Variants in EFHC2 observed in about 807,000 individuals in gnomAD.
The protein encoded by EFHC2 is EF-hand domain containing 2, also known as EF-hand domain-containing family member C2.
Under a neutral mutation model 52.7 loss-of-function variants are expected in EFHC2, and 18 were observed. The observed-to-expected ratio is 0.34, with a 90% CI of 0.24 to 0.51. The LOEUF is 0.51. EFHC2 is among the 20% of genes least tolerant of loss of function. The pLI, the probability that EFHC2 is intolerant of heterozygous loss-of-function variation, is 0.97. For missense variants in EFHC2, 513 were observed against 562.5 expected (o/e 0.91, Z 0.89); for synonymous variants, 203 against 204.1 (o/e 0.99, Z 0.04).
intron 13 of EFHC2, among the ~76,000 whole-genome samples, chrX:44,165,966 C>T (rs959572422): frequency 5.4e-5 from 6 of 111,410 alleles, no homozygotes; most frequent in African/African-American, 2.0e-4. Flanking sequence ...GGAAGTGGGC[C>T]CTCAGCAGAC....
intron 11 of EFHC2, among the ~76,000 whole-genome samples, chrX:44,191,467 C>T (rs1464733538): frequency 9.0e-6 from 1 of 111,647 alleles, no homozygotes; most frequent in Non-Finnish European, 1.9e-5. Flanking sequence ...GAACTCCTGA[C>T]CTTAGGTGAT....
chrX:44,255,374 G>C (rs1248265031), intron 4 of EFHC2, among the ~76,000 whole-genome samples: 1 of 111,278 alleles, frequency 9.0e-6, no homozygotes, highest in Admixed American at 9.5e-5. Context: ...GTATTCAGGA[G>C]ACCCATCTCA....
rs184376721 is a variant in EFHC2, at chrX:44,228,977, C to T, written c.1751+672G>A. ...TTTGTTTTCAGCCTAAGAAGTCTCA[C>T]GATTGTACTAGACCCTGAATTTGAA... is the stretch of plus-strand genomic sequence containing the variant. On this transcript the variant is annotated intron_variant, in intron 11 of 14. Transcript: ENST00000420999. Among the ~76,000 whole-genome samples, 245 of 112,121 alleles carry T rather than the reference C, an allele frequency of 2.2e-3. 2 individuals are homozygous for T. The highest frequency in any genetic ancestry group is 7.4e-3 in the African/African-American group (230 of 30,877).
At chrX:44,256,501 T>C (rs1159655955) in intron 4 of EFHC2, among the ~76,000 whole-genome samples, 2 of 111,761 alleles carry the variant, frequency 1.8e-5, no homozygotes, top group African/African-American at 6.5e-5. Flanking sequence ...CATCAGAGAA[T>C]ATTATAAACA....
chrX:44,317,881 T>C (rs1439040644), intron 1 of EFHC2, among the ~76,000 whole-genome samples: 1 of 112,657 alleles, frequency 8.9e-6, no homozygotes, highest in Non-Finnish European at 1.9e-5. Flanking sequence ...AAATAAATGT[T>C]GGTGAGGATG....
At chrX:44,206,363 AATCAAGCAAGAGAAAGAAATAAAAGG>A (rs2037048727) in intron 11 of EFHC2, among the ~76,000 whole-genome samples, 1 of 111,639 alleles carries the variant, frequency 9.0e-6, no homozygotes, top group Non-Finnish European at 1.9e-5. Flanking sequence ...TAGCCAGGGC[AATCAAGCAAGAGAAAGAAATAAAAGG>A]CATCCAAATA....
intron 9 of EFHC2, among the ~76,000 whole-genome samples, chrX:44,233,859 G>C (rs2147323879): frequency 8.9e-6 from 1 of 111,744 alleles, no homozygotes; most frequent in South Asian, 3.8e-4. Flanking sequence ...CAACAGATGA[G>C]TGAGCAAGGC....
At chrX:44,185,719 G>A (rs891387016) in intron 11 of EFHC2, among the ~76,000 whole-genome samples, 4 of 110,460 alleles carry the variant, frequency 3.6e-5, no homozygotes, top group Non-Finnish European at 7.6e-5. Flanking sequence ...AAACTTTCTT[G>A]TAGAGATGGG....
chrX:44,229,673 T>C lies in EFHC2; in HGVS notation c.1727A>G (p.Asn576Ser). 1 of 1,211,049 alleles carries C rather than the reference T, an allele frequency of 8.3e-7. No individual in the cohort carries two copies. The highest frequency in any genetic ancestry group is 1.1e-6 in the Non-Finnish European group (1 of 895,080). ...CCTGAATGTATTATAATCCACCATATTTGTGTGCTTAGAGTCAGCAGCTTT... is the reference window on the plus strand; with the variant it reads ...CCTGAATGTATTATAATCCACCATACTTGTGTGCTTAGAGTCAGCAGCTTT... Reference protein sequence around the residue: ...VFKAADSKHTNMVDYNTFRDI... With the variant: ...VFKAADSKHTSMVDYNTFRDI... The change falls in exon 11 of 15, where the codon AAT becomes AGT. Residue 576 changes from asparagine (N) to serine (S), a missense_variant. Transcript: ENST00000420999.
At chrX:44,329,589 C>G (rs1208774191) in intron 1 of EFHC2, among the ~76,000 whole-genome samples, 1 of 101,803 alleles carries the variant, frequency 9.8e-6, no homozygotes, top group Non-Finnish European at 2.0e-5. Flanking sequence ...TAAAAATTAA[C>G]TTAAAATGGA....
chrX:44,185,052 T>C (rs186566680), intron 11 of EFHC2, among the ~76,000 whole-genome samples: 1 of 112,264 alleles, frequency 8.9e-6, no homozygotes, highest in African/African-American at 3.2e-5. Context: ...TTCAGCATAG[T>C]ACCTTGAACT....
At chrX:44,258,813 G>A (rs1301271367) in intron 4 of EFHC2, among the ~76,000 whole-genome samples, 1 of 108,579 alleles carries the variant, frequency 9.2e-6, no homozygotes, top group South Asian at 4.1e-4. Context: ...CCAAGATCGC[G>A]CCACTGCACT....
intron 3 of EFHC2, among the ~76,000 whole-genome samples, chrX:44,264,621 A>T (rs2037563336): frequency 8.9e-6 from 1 of 112,693 alleles, no homozygotes. Context: ...TGATAACCAA[A>T]AATCTAACGT....
intron 11 of EFHC2, among the ~76,000 whole-genome samples, chrX:44,225,108 C>A (rs2037221636): frequency 9.0e-6 from 1 of 111,233 alleles, no homozygotes; most frequent in Non-Finnish European, 1.9e-5. Context: ...TCTGCACTCT[C>A]TTGGATAACG....
intron 12 of EFHC2, among the ~76,000 whole-genome samples, chrX:44,178,129 T>TAACACACACACACACACACA (rs1556000435): frequency 1.2e-5 from 1 of 83,951 alleles, no homozygotes; most frequent in African/African-American, 4.7e-5. Context: ...AGATGCCATA[T>TAACACACACACACACACACA]CACACACACA....
chrX:44,317,015 T>C (rs968747078), intron 1 of EFHC2, among the ~76,000 whole-genome samples: 2 of 112,081 alleles, frequency 1.8e-5, no homozygotes, highest in African/African-American at 6.5e-5. Context: ...ATTACGAGAC[T>C]GAACGAAGGG....
At chrX:44,313,847 T>C (rs1197382739) in intron 1 of EFHC2, among the ~76,000 whole-genome samples, 24 of 110,580 alleles carry the variant, frequency 2.2e-4, no homozygotes. Flanking sequence ...CCCAGCTACT[T>C]GGGAGGCTGA....
chrX:44,236,367 A>G (rs1317559262), intron 8 of EFHC2, among the ~76,000 whole-genome samples: 2 of 112,130 alleles, frequency 1.8e-5, no homozygotes, highest in Non-Finnish European at 3.8e-5. Context: ...TGTAAGAAAC[A>G]GTAAACCCTT....
chrX:44,255,636 G>T (rs2037485668), intron 4 of EFHC2, among the ~76,000 whole-genome samples: 1 of 111,323 alleles, frequency 9.0e-6, no homozygotes, highest in Non-Finnish European at 1.9e-5. Flanking sequence ...AGTCCTTAGA[G>T]ACCTACAGAG....
Sources: gnomAD v4.1 joint callset for allele counts (sites outside exome capture counted in the v4.1 genomes callset) on GRCh38, gnomAD v4.1.1 for gene constraint, MANE v1.5 for transcripts, NCBI Gene and HGNC (gene_info 2026-07-23, HGNC 2026-07-21) for gene names.